ADGRV1: variants seen among roughly 807,000 people sequenced by gnomAD.
The protein encoded by ADGRV1 is G-protein coupled receptor 98.
In ADGRV1, 359 loss-of-function variants were observed where a neutral mutation model predicts 596.2. The ratio of observed to expected loss-of-function variants is 0.60; its 90% CI spans 0.55 to 0.66. The LOEUF is 0.66. ADGRV1 is among the 30% of genes least tolerant of loss of function. The probability of loss-of-function intolerance (pLI) is 0.00; values close to 1 mark genes in which losing one functional copy is unlikely to be tolerated. For missense variants in ADGRV1, 7,274 were observed against 7,575.6 expected, an observed-to-expected ratio of 0.96 and a Z score of 1.48; for synonymous variants, 2,681 against 2,679.2, an observed-to-expected ratio of 1.00 and a Z score of -0.02.
intron 53 of ADGRV1, 127 bp downstream of exon 53, chr5:90,750,824 C>A (rs1755165113): frequency 7.6e-6 from 5 of 655,514 alleles, no homozygotes; most frequent in Non-Finnish European, 1.3e-5. Context: ...TCCTACTAAT[C>A]ATTGTAGAGA....
intron 83 of ADGRV1, among the ~76,000 whole-genome samples, chr5:90,882,304 G>A (rs1769867568): frequency 1.3e-5 from 2 of 152,148 alleles, no homozygotes; most frequent in South Asian, 4.1e-4. Context: ...AATTTTGAAA[G>A]AGAAGAAAGG....
At position 90,584,495 on chromosome 5, in the gene ADGRV1, A is replaced by G. The variant is rs1758488981; in HGVS notation, c.22+25578A>G. 2.6e-5 allele frequency among the ~76,000 whole-genome samples: 4 copies of G among 152,196 alleles called. No homozygotes were observed. In the South Asian group the frequency reaches 6.2e-4, roughly 24 times the overall value. ...CACTTGTTTTGCTCATGAATCTGTA[A>G]TTTGGGTAGAGCTTGGTGGGGACCA... On this transcript the variant is annotated intron_variant, in intron 1 of 89. Transcript: ENST00000405460.
chr5:90,971,952 G>A (rs1259698607), intron 84 of ADGRV1, among the ~76,000 whole-genome samples: 2 of 152,078 alleles, frequency 1.3e-5, no homozygotes, highest in African/African-American at 2.4e-5. Context: ...GTATTCAGGA[G>A]ACCCATCTCA....
In ADGRV1 at chr5:90,929,538, C is replaced by G. The variant is rs138625965; in HGVS notation, c.17857-35877C>G. 646 of 153,504 alleles carry G rather than the reference C, an allele frequency of 4.2e-3. 40 individuals are homozygous for G. In the East Asian group the frequency reaches 0.11, roughly 25 times the overall value. The allele number at this position is 153,504 out of a possible 1,614,324, so 9.5% of individuals were successfully genotyped here. A position where few individuals can be genotyped will look rare whatever the true frequency, so the allele number is the denominator to read the frequency against. ...TGACCTGCGCCCACTGTCTGGCACT[C>G]CCTAGTGAGATGAACCCGGTACCTC... On this transcript the variant is annotated intron_variant, in intron 83 of 89. Transcript: ENST00000405460.
At chr5:90,580,528 G>A (rs1306075345) in intron 1 of ADGRV1, among the ~76,000 whole-genome samples, 2 of 145,874 alleles carry the variant, frequency 1.4e-5, no homozygotes, top group African/African-American at 2.7e-5. Context: ...TTGTCTTCCC[G>A]CTTTCTCCTT....
intron 27 of ADGRV1, among the ~76,000 whole-genome samples, chr5:90,681,938 C>G (rs1000075765): frequency 6.6e-5 from 10 of 151,696 alleles, no homozygotes; most frequent in Admixed American, 2.0e-4. Context: ...GTGATCTCAG[C>G]TCACCACAAC....
chr5:91,054,098 TGTGTGAGA>T (rs1159996721), intron 85 of ADGRV1, among the ~76,000 whole-genome samples: 13 of 124,492 alleles, frequency 1.0e-4, no homozygotes, highest in Admixed American at 3.2e-4. Context: ...TGTGTGTGTG[TGTGTGAGA>T]GAGAGAGAGA....
chr5:90,595,034 G>C, intron 1 of ADGRV1, among the ~76,000 whole-genome samples: 1 of 143,780 alleles, frequency 7.0e-6, no homozygotes, highest in Admixed American at 6.7e-5. Flanking sequence ...CCGGGCAGAG[G>C]GGCTCCTCAC....
chr5:90,913,139 G>A (rs1011205975), intron 83 of ADGRV1, among the ~76,000 whole-genome samples: 8 of 152,096 alleles, frequency 5.3e-5, no homozygotes, highest in African/African-American at 1.9e-4. Context: ...GGGGCCCCAG[G>A]AAAACTGAGC....
At chr5:90,615,835 A>G (rs534686508) in intron 2 of ADGRV1, among the ~76,000 whole-genome samples, 7 of 151,986 alleles carry the variant, frequency 4.6e-5, no homozygotes, top group African/African-American at 1.7e-4. Flanking sequence ...GAATCCTAAC[A>G]ATTTTTTCAG....
At chr5:91,028,137 A>C (rs896481274) in intron 85 of ADGRV1, among the ~76,000 whole-genome samples, 1 of 151,442 alleles carries the variant, frequency 6.6e-6, no homozygotes, top group African/African-American at 2.4e-5. Flanking sequence ...TAGATTTATG[A>C]GCAAAGAATA....
At chr5:91,072,351 C>A in intron 85 of ADGRV1, 96 bp from the exon 86 acceptor site, 1 of 1,105,960 alleles carries the variant, frequency 9.0e-7, no homozygotes, top group Non-Finnish European at 1.4e-6. Context: ...CATCTGGATA[C>A]AAAGAGCTAG....
In ADGRV1 at chr5:90,819,791, T is replaced by C. The variant is rs531209963; in HGVS notation, c.16197-3634T>C. ...CTGTGGTCTGAGAGATAGTTTGTTA[T>C]AATCTCTGTTCTTTTACATTTGCTG... On this transcript the variant is annotated intron_variant, in intron 75 of 89. Transcript: ENST00000405460. 9.2e-5 allele frequency among the ~76,000 whole-genome samples: 14 copies of C among 152,328 alleles called. No homozygotes were observed. In the South Asian group the frequency reaches 2.7e-3, roughly 29 times the overall value.
At chr5:91,029,273 T>A (rs1355481680) in intron 85 of ADGRV1, among the ~76,000 whole-genome samples, 1 of 152,248 alleles carries the variant, frequency 6.6e-6, no homozygotes, top group East Asian at 1.9e-4. Context: ...TTAATCAATA[T>A]AATGTTTTAG....
chr5:90,595,499 C>T (rs1580386065), intron 1 of ADGRV1, among the ~76,000 whole-genome samples: 1 of 107,948 alleles, frequency 9.3e-6, no homozygotes, highest in South Asian at 3.4e-4. Context: ...CCTCACTTCC[C>T]AGTAGGGGCG....
At chr5:90,595,471 T>G (rs377433687) in intron 1 of ADGRV1, among the ~76,000 whole-genome samples, 4,974 of 63,572 alleles carry the variant, frequency 0.078, 219 homozygotes, top group East Asian at 0.22. Flanking sequence ...ACGGGGCGGC[T>G]GGCCGGGCAG....
chr5:90,765,988 C>A (rs903955035), intron 59 of ADGRV1, among the ~76,000 whole-genome samples: 1 of 151,960 alleles, frequency 6.6e-6, no homozygotes, highest in Non-Finnish European at 1.5e-5. Flanking sequence ...CTGCTCACTG[C>A]AAGCTCCACC....
At chr5:90,562,551 A>C (rs992896635) in intron 1 of ADGRV1, among the ~76,000 whole-genome samples, 1 of 152,144 alleles carries the variant, frequency 6.6e-6, no homozygotes, top group Non-Finnish European at 1.5e-5. Context: ...TACCAGACCA[A>C]GTCCCTCCCC....
At chr5:90,649,014 T>C (rs1768208738) in intron 17 of ADGRV1, among the ~76,000 whole-genome samples, 1 of 152,184 alleles carries the variant, frequency 6.6e-6, no homozygotes, top group African/African-American at 2.4e-5. Context: ...ATTATTAATA[T>C]TATTATTTTT....
Sources: gnomAD v4.1 joint callset for allele counts (sites outside exome capture counted in the v4.1 genomes callset) on GRCh38, gnomAD v4.1.1 for gene constraint, MANE v1.5 for transcripts, NCBI Gene and HGNC (gene_info 2026-07-23, HGNC 2026-07-21) for gene names.